Variants in CNTN4 observed in about 807,000 individuals in gnomAD.
CNTN4 encodes the protein contactin 4, also known as contactin-4.
CNTN4 carries 77 observed loss-of-function variants against 122.5 expected under a neutral mutation model. That is an observed-to-expected ratio of 0.63 (90% CI 0.52 to 0.76). CNTN4 has a LOEUF of 0.76. Ranked by LOEUF, CNTN4 falls within the 30% of genes least tolerant of loss-of-function variation. The pLI is 0.00. For missense variants in CNTN4, 1,256 were observed against 1,259.1 expected, an observed-to-expected ratio of 1.00 and a Z score of 0.04; for synonymous variants, 512 against 447.0, an observed-to-expected ratio of 1.15 and a Z score of -1.83.
intron 10 of CNTN4, among the ~76,000 whole-genome samples, chr3:2,890,249 A>C (rs1288868167): frequency 6.6e-6 from 1 of 152,228 alleles, no homozygotes; most frequent in Non-Finnish European, 1.5e-5. Context: ...ATACATAAGC[A>C]CTTGGCTGTC....
At chr3:2,748,656 G>A (rs971582822) in intron 6 of CNTN4, among the ~76,000 whole-genome samples, 9 of 152,094 alleles carry the variant, frequency 5.9e-5, no homozygotes, top group African/African-American at 2.2e-4. Context: ...TTTCATCCAC[G>A]TGTTTTTAAA....
At chr3:2,232,488 C>A (rs902352212) in intron 2 of CNTN4, among the ~76,000 whole-genome samples, 10 of 152,024 alleles carry the variant, frequency 6.6e-5, no homozygotes, top group Non-Finnish European at 1.3e-4. Context: ...TCTTTACATG[C>A]CTTATCTCAT....
intron 12 of CNTN4, among the ~76,000 whole-genome samples, chr3:2,903,428 G>T (rs2094196244): frequency 6.6e-6 from 1 of 152,180 alleles, no homozygotes; most frequent in Admixed American, 6.5e-5. Context: ...TCCAGACTGT[G>T]CATTAATGAT....
intron 3 of CNTN4, among the ~76,000 whole-genome samples, chr3:2,550,319 C>G (rs2078439363): frequency 6.6e-6 from 1 of 151,986 alleles, no homozygotes; most frequent in Non-Finnish European, 1.5e-5. Flanking sequence ...CAAAAGGAGA[C>G]ATTTATGCGG....
intron 3 of CNTN4, 34 bp from the exon 4 acceptor site, chr3:2,571,382 C>G: frequency 1.3e-6 from 1 of 756,264 alleles, no homozygotes; most frequent in Middle Eastern, 2.3e-4. Flanking sequence ...GAAATATTCC[C>G]AAATCTCATT....
intron 3 of CNTN4, among the ~76,000 whole-genome samples, chr3:2,415,276 A>T (rs1257627773): frequency 6.6e-6 from 1 of 152,198 alleles, no homozygotes; most frequent in African/African-American, 2.4e-5. Context: ...AGTATTTTAT[A>T]AAAGTATTGA....
intron 2 of CNTN4, among the ~76,000 whole-genome samples, chr3:2,338,680 A>AT (rs987057576): frequency 8.5e-5 from 13 of 152,126 alleles, no homozygotes; most frequent in Non-Finnish European, 5.9e-5. Flanking sequence ...TTATTTCACA[A>AT]TTAAAGTTTA....
intron 4 of CNTN4, among the ~76,000 whole-genome samples, chr3:2,713,912 C>T (rs1559419366): frequency 6.6e-6 from 1 of 152,034 alleles, no homozygotes; most frequent in South Asian, 2.1e-4. Flanking sequence ...ATTTGTGATC[C>T]GTAAAATCCA....
chr3:2,413,146 A>T (rs1192500790), intron 3 of CNTN4, among the ~76,000 whole-genome samples: 1 of 152,170 alleles, frequency 6.6e-6, no homozygotes, highest in Non-Finnish European at 1.5e-5. Flanking sequence ...TCTCTAACCA[A>T]AATTGTCAGA....
At chr3:2,590,747 C>T (rs538793303) in intron 4 of CNTN4, among the ~76,000 whole-genome samples, 20 of 152,034 alleles carry the variant, frequency 1.3e-4, no homozygotes, top group African/African-American at 4.3e-4. Context: ...ATGGTCTTTC[C>T]CCTTCCTCCT....
intron 2 of CNTN4, among the ~76,000 whole-genome samples, chr3:2,131,901 A>G (rs1251401600): frequency 1.3e-5 from 2 of 152,036 alleles, no homozygotes; most frequent in African/African-American, 4.8e-5. Context: ...ACATCTCCCA[A>G]TTTACCTAGT....
chr3:2,275,852 A>T (rs116647869), intron 2 of CNTN4, among the ~76,000 whole-genome samples: 14,557 of 147,566 alleles, frequency 0.099, 841 homozygotes, highest in Middle Eastern at 0.14. Context: ...CCTGGGAGGT[A>T]TAGGTTGCAG....
At chr3:2,798,381 C>CTATCTATCTATA (rs2092262200) in intron 6 of CNTN4, among the ~76,000 whole-genome samples, 1 of 150,544 alleles carries the variant, frequency 6.6e-6, no homozygotes, top group Non-Finnish European at 1.5e-5. Context: ...ATCTATCTAT[C>CTATCTATCTATA]TATCTATCTA....
chr3:2,359,984 A>G (rs1453967715), intron 3 of CNTN4, among the ~76,000 whole-genome samples: 1 of 152,256 alleles, frequency 6.6e-6, no homozygotes, highest in Non-Finnish European at 1.5e-5. Flanking sequence ...TGAAAACCAG[A>G]TGAACAGATT....
chr3:2,438,014 A>G (rs190057939), intron 3 of CNTN4, among the ~76,000 whole-genome samples: 71 of 152,258 alleles, frequency 4.7e-4, no homozygotes, highest in Admixed American at 4.3e-3. Context: ...CTATGAGGGG[A>G]TGCCCTGCCT....
At chr3:2,507,455 A>G (rs2076760952) in intron 3 of CNTN4, among the ~76,000 whole-genome samples, 1 of 151,872 alleles carries the variant, frequency 6.6e-6, no homozygotes, top group African/African-American at 2.4e-5. Context: ...GTGGCTCATG[A>G]CTGTAATCCC....
intron 2 of CNTN4, among the ~76,000 whole-genome samples, chr3:2,181,231 A>G (rs1040875689): frequency 2.6e-5 from 4 of 152,084 alleles, no homozygotes; most frequent in African/African-American, 9.7e-5. Context: ...ACAATTCCTT[A>G]AAGAGGAATA....
chr3:2,792,924 G>T (rs920762379), intron 6 of CNTN4, among the ~76,000 whole-genome samples: 1 of 152,150 alleles, frequency 6.6e-6, no homozygotes, highest in Admixed American at 6.5e-5. Context: ...GTGAAGATTT[G>T]CAAAGCAGAG....
intron 3 of CNTN4, among the ~76,000 whole-genome samples, chr3:2,425,264 G>C (rs1342534765): frequency 6.6e-6 from 1 of 152,272 alleles, no homozygotes; most frequent in African/African-American, 2.4e-5. Flanking sequence ...GTAAGGAAGG[G>C]ATCCAGTTTC....
Sources: allele counts gnomAD v4.1 joint callset (sites outside exome capture counted in the v4.1 genomes callset), GRCh38; gene constraint gnomAD v4.1.1; transcripts MANE v1.5; gene names NCBI Gene and HGNC (gene_info 2026-07-23, HGNC 2026-07-21).